The following SYTL3 variants were observed in gnomAD, a reference collection of about 807,000 sequenced individuals.
SYTL3 encodes synaptotagmin like 3.
In SYTL3, 88 loss-of-function variants were observed where a neutral mutation model predicts 82.1. That is an observed-to-expected ratio of 1.07 (90% CI 0.90 to 1.28). SYTL3 has a LOEUF of 1.28. SYTL3 is among the 50% of genes most tolerant of loss of function. The pLI is 0.00. For synonymous variants in SYTL3, 311 were observed against 289.4 expected, an observed-to-expected ratio of 1.07 and a Z score of -0.76; for missense variants, 831 against 757.6, an observed-to-expected ratio of 1.10 and a Z score of -1.14.
chr6:158,673,462 C>T (rs1389595645), intron 5 of SYTL3, among the ~76,000 whole-genome samples: 12 of 139,852 alleles, frequency 8.6e-5, no homozygotes, highest in African/African-American at 2.2e-4. Context: ...TTTTTTGAGA[C>T]GGAGTCTTGC....
chr6:158,696,572 A>G (rs190334642), intron 6 of SYTL3, among the ~76,000 whole-genome samples: 1 of 152,214 alleles, frequency 6.6e-6, no homozygotes, highest in East Asian at 1.9e-4. Context: ...GTGAAGTGGT[A>G]TCTTGTTGTG....
At position 158,713,967 on chromosome 6, in the gene SYTL3, C is replaced by T. The variant is rs59930524; in HGVS notation, c.595+89C>T. The T allele has an allele frequency of 6.9e-3, 6,237 of 904,158 alleles. 257 individuals are homozygous for T. In the African/African-American group the frequency reaches 0.09, roughly 13 times the overall value. The allele number at this position is 904,158 out of a possible 1,614,324, so 56.0% of individuals were successfully genotyped here. On this transcript the variant is annotated intron_variant, in intron 9 of 17. Transcript: ENST00000611299. ...GGGCCTGGCCGGTGACCTCGGTTGACACTGTCCCTCAGGCCACTCACTTTG... is the reference window on the plus strand; with the variant it reads ...GGGCCTGGCCGGTGACCTCGGTTGATACTGTCCCTCAGGCCACTCACTTTG...
intron 5 of SYTL3, among the ~76,000 whole-genome samples, chr6:158,670,989 A>T (rs1217416056): frequency 6.6e-6 from 1 of 151,770 alleles, no homozygotes; most frequent in African/African-American, 2.4e-5. Flanking sequence ...TATTTTTAGT[A>T]GAGACAGGGT....
At chr6:158,670,413 G>A (rs6937277) in intron 5 of SYTL3, among the ~76,000 whole-genome samples, 7,512 of 152,284 alleles carry the variant, frequency 0.049, 622 homozygotes, top group African/African-American at 0.17. Context: ...CTGGTGCCAA[G>A]GTTAAGATGA....
intron 5 of SYTL3, among the ~76,000 whole-genome samples, chr6:158,682,170 C>T (rs1261579709): frequency 6.6e-6 from 1 of 151,964 alleles, no homozygotes; most frequent in Non-Finnish European, 1.5e-5. Flanking sequence ...ACTTCCTGAC[C>T]TCAAGTGATC....
intron 6 of SYTL3, among the ~76,000 whole-genome samples, chr6:158,690,891 A>G (rs1239080748): frequency 6.6e-6 from 1 of 152,008 alleles, no homozygotes; most frequent in Non-Finnish European, 1.5e-5. Flanking sequence ...TGGCATCATC[A>G]CCTTCTGTGC....
rs2291384 is a variant in SYTL3 at position 158,663,253 on chromosome 6, C to T, written c.-16C>T. On this transcript the variant is annotated 5_prime_UTR_variant, in exon 4 of 18. It adds an upstream start codon to the 5' untranslated region. Coordinates refer to ENST00000611299, the MANE Select transcript of SYTL3 (RefSeq NM_001242394.2). ...GTGAAGCTCTTCCAACCTGGGTCAA[C>T]GAAAACGGAGAAGAAATGGCCCAAG... 2.5e-3 allele frequency: 3,971 copies of T among 1,613,468 alleles called. 137 individuals carry two copies. The East Asian group carries it at 0.071, about 29-fold the overall frequency.
At chr6:158,693,812 G>C (rs1306952609) in intron 6 of SYTL3, among the ~76,000 whole-genome samples, 1 of 144,026 alleles carries the variant, frequency 6.9e-6, no homozygotes, top group Admixed American at 7.0e-5. Flanking sequence ...AAAAGTGCTG[G>C]GATTACAGGT....
At chr6:158,713,763 G>A (rs958568921) in intron 8 of SYTL3, 37 bp from the exon 9 acceptor site, 3 of 1,449,750 alleles carry the variant, frequency 2.1e-6, no homozygotes, top group Non-Finnish European at 2.8e-6. Flanking sequence ...AAGTCATCAA[G>A]CATAATTCTC....
Position 158,666,723 on chromosome 6 carries a change from C to A in SYTL3, c.329+1110C>A, listed in dbSNP as rs9457425. 4.2e-3 allele frequency among the ~76,000 whole-genome samples: 647 copies of A among 152,290 alleles called. 10 individuals carry two copies. Among genetic ancestry groups the A allele is most frequent in the African/African-American group, 0.015 (621 of 41,564 alleles). ...GTGGGCATTGTGGCTGGGGTTTCTT[C>A]CCCCTAAATCCGGAGGGCTGTGTTT... On this transcript the variant is annotated intron_variant, in intron 5 of 17. Transcript: ENST00000611299.
chr6:158,685,015 C>T (rs1779135070), intron 6 of SYTL3, among the ~76,000 whole-genome samples: 1 of 152,056 alleles, frequency 6.6e-6, no homozygotes, highest in Non-Finnish European at 1.5e-5. Flanking sequence ...CTACCATAAC[C>T]TTTTGATATC....
chr6:158,678,842 A>T (rs1020188514), intron 5 of SYTL3, among the ~76,000 whole-genome samples: 2 of 152,230 alleles, frequency 1.3e-5, no homozygotes, highest in African/African-American at 4.8e-5. Context: ...TTTTTAAAGA[A>T]GTGAGTCATG....
intron 11 of SYTL3, among the ~76,000 whole-genome samples, chr6:158,731,095 C>G (rs1182426896): frequency 6.6e-6 from 1 of 151,440 alleles, no homozygotes; most frequent in Non-Finnish European, 1.5e-5. Context: ...CCATCCTGGC[C>G]AACAAAGTGA....
chr6:158,753,125 A>G (rs1254941940), intron 13 of SYTL3, among the ~76,000 whole-genome samples: 3 of 128,986 alleles, frequency 2.3e-5, no homozygotes, highest in Admixed American at 9.5e-5. Context: ...TTGGTCGCCC[A>G]GGCTGGAGTG....
intron 6 of SYTL3, among the ~76,000 whole-genome samples, chr6:158,683,865 A>G (rs1020705009): frequency 2.0e-5 from 3 of 152,170 alleles, no homozygotes; most frequent in African/African-American, 7.2e-5. Flanking sequence ...TTGCGGTAAT[A>G]TGGGTGGAAG....
At chr6:158,731,637 A>C (rs1785432406) in intron 11 of SYTL3, among the ~76,000 whole-genome samples, 2 of 152,176 alleles carry the variant, frequency 1.3e-5, no homozygotes, top group African/African-American at 4.8e-5. Flanking sequence ...TCTGTCACCC[A>C]GGCTGGAGTG....
At chr6:158,658,939 G>A (rs1300770206) in intron 2 of SYTL3, among the ~76,000 whole-genome samples, 1 of 151,930 alleles carries the variant, frequency 6.6e-6, no homozygotes. Context: ...CAAAAAAAGA[G>A]GGTATGTCTC....
intron 6 of SYTL3, among the ~76,000 whole-genome samples, chr6:158,701,212 GTGTAGATGAA>G (rs1781199471): frequency 2.6e-5 from 3 of 115,182 alleles, no homozygotes; most frequent in African/African-American, 8.1e-5. Flanking sequence ...GTGAGCTGGG[GTGTAGATGAA>G]GGAGTGTGAG....
At chr6:158,738,511 A>G (rs1188658338) in intron 11 of SYTL3, among the ~76,000 whole-genome samples, 1 of 151,896 alleles carries the variant, frequency 6.6e-6, no homozygotes, top group Admixed American at 6.6e-5. Flanking sequence ...TCCTTATTCT[A>G]TTACTTGTCC....
Sources: allele counts gnomAD v4.1 joint callset (sites outside exome capture counted in the v4.1 genomes callset), GRCh38; gene constraint gnomAD v4.1.1; transcripts MANE v1.5; gene names NCBI Gene and HGNC (gene_info 2026-07-23, HGNC 2026-07-21).